DOCK5: variants seen among roughly 807,000 people sequenced by gnomAD.
DOCK5 encodes the protein dedicator of cytokinesis protein 5.
A neutral mutation model predicts 251.8 loss-of-function variants in DOCK5; 142 were observed. The ratio of observed to expected loss-of-function variants is 0.56; its 90% confidence interval spans 0.49 to 0.65. The LOEUF is 0.65. Among genes scored for constraint, DOCK5 ranks in the 30% least tolerant of loss-of-function variants. The probability of loss-of-function intolerance (pLI) is 0.00; values close to 1 mark genes in which losing one functional copy is unlikely to be tolerated. For missense variants in DOCK5, 2,111 were observed against 2,312.3 expected (o/e 0.91, Z 1.79); for synonymous variants, 842 against 835.5 (o/e 1.01, Z -0.13).
At chr8:25,201,560 CG>C (rs1801878669) in intron 1 of DOCK5, among the ~76,000 whole-genome samples, 1 of 152,152 alleles carries the variant, frequency 6.6e-6, no homozygotes, top group Non-Finnish European at 1.5e-5. Context: ...GCTGTGGAGC[CG>C]GGCAGCCAAG....
Position 25,395,621 on chromosome 8 carries a change from C to T in DOCK5, c.4606C>T (p.His1536Tyr), listed in dbSNP as rs368672119. Residue 1536 changes from histidine to tyrosine, a missense_variant, in exon 45 of 52, where the codon CAT (histidine) becomes TAT (tyrosine). His to Tyr is a moderately conservative substitution (Grantham distance 83). Coordinates refer to ENST00000276440, the MANE Select transcript of DOCK5 (RefSeq NM_024940.8). Reference sequence around the variant, plus strand: ...GAGGATCAGCAACTGTGTTCAGCAGCATGCCTGGGACCGGTCCCTCTCTGT... The same window carrying T: ...GAGGATCAGCAACTGTGTTCAGCAGTATGCCTGGGACCGGTCCCTCTCTGT... ...NERISNCVQQHAWDRSLSVHP... is the reference protein window; with the variant it reads ...NERISNCVQQYAWDRSLSVHP... 4.3e-5 allele frequency: 70 copies of T among 1,613,626 alleles called. 1 individual carries two copies. Among genetic ancestry groups the T allele is most frequent in the Admixed American group, 1.7e-5 (1 of 59,958 alleles).
chr8:25,231,805 G>A (rs1398428920), intron 1 of DOCK5, among the ~76,000 whole-genome samples: 1 of 152,038 alleles, frequency 6.6e-6, no homozygotes, highest in Non-Finnish European at 1.5e-5. Flanking sequence ...GTTCATTATG[G>A]TGTTTTCTAG....
intron 1 of DOCK5, among the ~76,000 whole-genome samples, chr8:25,227,420 C>T (rs974651119): frequency 6.6e-6 from 1 of 150,684 alleles, no homozygotes; most frequent in Non-Finnish European, 1.5e-5. Context: ...TTTATTAAAT[C>T]ATTTGTCCTG....
At chr8:25,187,002 C>G (rs569392902) in intron 1 of DOCK5, among the ~76,000 whole-genome samples, 1 of 151,802 alleles carries the variant, frequency 6.6e-6, no homozygotes, top group Admixed American at 6.6e-5. Context: ...GAGTTCAAAA[C>G]TAGCATAGCA....
rs951539158 is a variant in DOCK5, at chr8:25,340,576, G to A, written c.2328-301G>A. ...TTAATTAAGGCAAGCATGTATCAGCGAAGACTAAGGGGTCTTGTCCTGGAA... is the reference window on the plus strand; with the variant it reads ...TTAATTAAGGCAAGCATGTATCAGCAAAGACTAAGGGGTCTTGTCCTGGAA... On this transcript the variant is annotated intron_variant, in intron 22 of 51. Transcript: ENST00000276440. 5.3e-5 allele frequency among the ~76,000 whole-genome samples: 8 copies of A among 152,312 alleles called. No individual in the cohort carries two copies. The South Asian group carries it at 1.5e-3, about 28-fold the overall frequency.
At chr8:25,327,716 T>C (rs1183414578) in intron 18 of DOCK5, among the ~76,000 whole-genome samples, 2 of 152,158 alleles carry the variant, frequency 1.3e-5, no homozygotes, top group Non-Finnish European at 2.9e-5. Context: ...TTGTAAAATT[T>C]AAATTAATTA....
intron 5 of DOCK5, among the ~76,000 whole-genome samples, chr8:25,289,567 G>A (rs1042153217): frequency 1.3e-5 from 2 of 152,070 alleles, no homozygotes; most frequent in Non-Finnish European, 2.9e-5. Flanking sequence ...ATGGGGCTGG[G>A]CGTGGTGGCT....
At chr8:25,364,805 TGAAAAAG>T in intron 30 of DOCK5, 101 bp downstream of exon 30, 1 of 861,662 alleles carries the variant, frequency 1.2e-6, no homozygotes, top group Non-Finnish European at 1.8e-6. Flanking sequence ...TGTTTTCACA[TGAAAAAG>T]GTTTTCCTGT....
At chr8:25,330,116 C>G (rs1805649581) in intron 18 of DOCK5, among the ~76,000 whole-genome samples, 2 of 152,126 alleles carry the variant, frequency 1.3e-5, no homozygotes, top group Non-Finnish European at 2.9e-5. Context: ...CCTCCAGCAG[C>G]TATGAGTCAA....
chr8:25,389,056 A>G (rs1019743206), intron 40 of DOCK5, 35 bp from the exon 41 acceptor site: 4 of 1,607,266 alleles, frequency 2.5e-6, no homozygotes, highest in South Asian at 1.1e-5. Context: ...CACTCTTCCT[A>G]TGTAATGACT....
At chr8:25,345,665 C>G (rs1359572129) in intron 26 of DOCK5, 54 bp downstream of exon 26, 16 of 1,592,930 alleles carry the variant, frequency 1.0e-5, no homozygotes, top group African/African-American at 1.3e-5. Context: ...CCCTTTGCAC[C>G]AGACAGGAGT....
At chr8:25,396,208 C>T (rs112983072) in intron 45 of DOCK5, among the ~76,000 whole-genome samples, 25 of 152,232 alleles carry the variant, frequency 1.6e-4, no homozygotes, top group African/African-American at 5.5e-4. Context: ...GGTGAAACCG[C>T]GTCTCTACTA....
At chr8:25,359,131 T>C in intron 28 of DOCK5, 70 bp downstream of exon 28, 2 of 1,318,362 alleles carry the variant, frequency 1.5e-6, no homozygotes, top group East Asian at 2.3e-5. Context: ...TGACTGAAGC[T>C]GAGCATCGTG....
At chr8:25,342,301 C>A in intron 24 of DOCK5, 100 bp from the exon 25 acceptor site, 1 of 855,280 alleles carries the variant, frequency 1.2e-6, no homozygotes, top group Non-Finnish European at 1.8e-6. Context: ...CCAGGTAAAT[C>A]TCTCCATGCC....
chr8:25,380,387 A>T lies in DOCK5; in HGVS notation c.4019A>T (p.Asn1340Ile). 2 of 1,608,050 alleles carry T rather than the reference A, an allele frequency of 1.2e-6. No individual in the cohort carries two copies. Among genetic ancestry groups the T allele is most frequent in the Non-Finnish European group, 1.7e-6 (2 of 1,177,034 alleles). ...GTATTTGACTACGAGGGCCTTGGCA[A>T]CCTCCTGGTGAGTCTGGGTCAAAAT... is the stretch of plus-strand genomic sequence containing the variant. ...SKVFDYEGLG[N>I]LLKKRASFYE... is the part of the protein sequence containing the mutation. Residue 1340 changes from asparagine (N) to isoleucine (I), a missense_variant, in exon 39 of 52, where the codon AAC (asparagine) becomes ATC (isoleucine). Physicochemically the swap from Asn to Ile is moderately radical, Grantham distance 149 (BLOSUM62 -3). This residue lies in a region of DOCK5 where 1,717 missense variants were observed against 1,892.4 expected (regional missense o/e 0.91). Coordinates refer to ENST00000276440, the MANE Select transcript of DOCK5 (RefSeq NM_024940.8).
intron 6 of DOCK5, among the ~76,000 whole-genome samples, chr8:25,294,199 G>A (rs1804562194): frequency 6.6e-6 from 1 of 152,136 alleles, no homozygotes; most frequent in Non-Finnish European, 1.5e-5. Flanking sequence ...AGTCGCTCAG[G>A]AAATGGAGCT....
intron 6 of DOCK5, among the ~76,000 whole-genome samples, chr8:25,295,597 T>A (rs1197004494): frequency 1.3e-5 from 2 of 152,086 alleles, no homozygotes; most frequent in Admixed American, 6.6e-5. Context: ...ACTTCACTCG[T>A]CTCCTTTATG....
chr8:25,189,164 G>A (rs1271814733), intron 1 of DOCK5, among the ~76,000 whole-genome samples: 1 of 151,180 alleles, frequency 6.6e-6, no homozygotes, highest in Non-Finnish European at 1.5e-5. Flanking sequence ...GGAACTGCAG[G>A]TGTGCACCAC....
intron 18 of DOCK5, among the ~76,000 whole-genome samples, chr8:25,331,857 T>C (rs1372356732): frequency 6.6e-6 from 1 of 151,046 alleles, no homozygotes; most frequent in Non-Finnish European, 1.5e-5. Context: ...CACATACCTA[T>C]GTTCCTCTTT....
Sources: gnomAD v4.1 joint callset for allele counts (sites outside exome capture counted in the v4.1 genomes callset) on GRCh38, gnomAD v4.1.1 for gene constraint, gnomAD v4.1.1 regional missense constraint, MANE v1.5 for transcripts, NCBI Gene and HGNC (gene_info 2026-07-23, HGNC 2026-07-21) for gene names.